Variants in TRRAP observed in about 807,000 individuals in gnomAD.
TRRAP encodes transformation/transcription domain-associated protein.
Under a neutral mutation model 438.8 loss-of-function variants are expected in TRRAP, and 41 were observed. That is an observed-to-expected ratio of 0.09 (90% CI 0.07 to 0.12). TRRAP has a LOEUF of 0.12. TRRAP is among the 10% of genes least tolerant of loss of function. The pLI, the probability that TRRAP is intolerant of heterozygous loss-of-function variation, is 1.00. For synonymous variants in TRRAP, 1,994 were observed against 1,962.9 expected (o/e 1.02, Z -0.42); for missense variants, 3,122 against 5,055.1 (o/e 0.62, Z 11.60).
At chr7:98,969,999 T>C in intron 51 of TRRAP, 113 bp from the exon 52 acceptor site, 1 of 1,310,092 alleles carries the variant, frequency 7.6e-7, no homozygotes, top group Non-Finnish European at 1.1e-6. Flanking sequence ...GAGCTCATAC[T>C]TGGACCTGCA....
intron 67 of TRRAP, among the ~76,000 whole-genome samples, chr7:98,996,343 T>C (rs893262532): frequency 6.6e-6 from 1 of 152,204 alleles, no homozygotes; most frequent in African/African-American, 2.4e-5. Flanking sequence ...ACCTGCGGGC[T>C]CCCTAGTAGA....
chr7:98,884,472 C>T (rs1795600331), intron 3 of TRRAP, among the ~76,000 whole-genome samples: 1 of 151,796 alleles, frequency 6.6e-6, no homozygotes, highest in Non-Finnish European at 1.5e-5. Context: ...TGACCTTAAG[C>T]GATCCACCCA....
At chr7:98,972,648 G>C (rs1460577573) in intron 53 of TRRAP, among the ~76,000 whole-genome samples, 1 of 152,210 alleles carries the variant, frequency 6.6e-6, no homozygotes, top group East Asian at 1.9e-4. Context: ...TTGAAAGACT[G>C]GTTGAAGCTC....
At chr7:98,979,642 T>C (rs1325024204) in intron 58 of TRRAP, among the ~76,000 whole-genome samples, 1 of 152,248 alleles carries the variant, frequency 6.6e-6, no homozygotes, top group African/African-American at 2.4e-5. Flanking sequence ...TATTTGTAGC[T>C]CACCTTAACG....
At chr7:98,905,133 A>C (rs1796667944) in intron 12 of TRRAP, among the ~76,000 whole-genome samples, 2 of 152,008 alleles carry the variant, frequency 1.3e-5, no homozygotes, top group Admixed American at 1.3e-4. Context: ...CCAGTTCTCC[A>C]TGTCACGGCT....
chr7:98,895,107 T>C (rs547560127), intron 6 of TRRAP, among the ~76,000 whole-genome samples: 31 of 152,334 alleles, frequency 2.0e-4, no homozygotes, highest in African/African-American at 7.0e-4. Context: ...AGTCTGTCTA[T>C]GTTGCCCAGG....
intron 48 of TRRAP, among the ~76,000 whole-genome samples, chr7:98,965,151 C>A (rs749690043): frequency 1.3e-5 from 2 of 152,238 alleles, no homozygotes; most frequent in Non-Finnish European, 2.9e-5. Flanking sequence ...CATGTGCACA[C>A]ACACACACAC....
chr7:98,945,029 T>C (rs146297597), intron 31 of TRRAP, among the ~76,000 whole-genome samples: 1 of 152,192 alleles, frequency 6.6e-6, no homozygotes, highest in Non-Finnish European at 1.5e-5. Flanking sequence ...GGTCTTGAAC[T>C]CCTGACCTCA....
Position 98,931,482 on chromosome 7 carries a change from C to A in TRRAP, c.3669C>A (p.Asp1223Glu). Residue 1223 changes from aspartate (D) to glutamate (E), a missense_variant, in exon 26 of 73, where the codon GAC becomes GAA. Around this residue, in one of 24 missense-constraint regions of TRRAP, gnomAD observed 153 missense variants for 223.0 expected, o/e 0.69. Coordinates refer to ENST00000456197, the MANE Select transcript of TRRAP (RefSeq NM_001375524.1). ...TGCGGTGCGCAACGCCTTTAAAAGA[C>A]GAGGAGAGAGCCGAAGAGATCGTGG... ...LLMRCATPLK[D>E]EERAEEIVAA... is the part of the protein sequence containing the mutation. 1 of 1,614,074 alleles carries A rather than the reference C, an allele frequency of 6.2e-7. No individual in the cohort carries two copies. Among genetic ancestry groups the A allele is most frequent in the Non-Finnish European group, 8.5e-7 (1 of 1,179,970 alleles).
At chr7:98,993,815 C>T in intron 66 of TRRAP, 78 bp downstream of exon 66, 6 of 1,451,146 alleles carry the variant, frequency 4.1e-6, no homozygotes, top group Non-Finnish European at 5.7e-6. Context: ...TGGCTCTCTT[C>T]CCTTGAGCTT....
chr7:98,976,373 C>T lies in TRRAP; in HGVS notation c.7959+105C>T, dbSNP rs1792657497. 2 of 1,573,084 alleles carry T rather than the reference C, an allele frequency of 1.3e-6. No individual in the cohort carries two copies. The highest frequency in any genetic ancestry group is 1.8e-5 in the Admixed American group (1 of 57,052). ...GAACAAGTTTCAGAAAATGAGGGAACCGCTGGCTGTCACTCGAGCGAATTA... is the reference window on the plus strand; with the variant it reads ...GAACAAGTTTCAGAAAATGAGGGAATCGCTGGCTGTCACTCGAGCGAATTA... On this transcript the variant is annotated intron_variant, in intron 54 of 72. Transcript: ENST00000456197. This position sits in a 1 kb window ranked among gnomAD's most constrained non-coding sequence, Gnocchi z 4.6.
chr7:98,998,589 C>T, intron 67 of TRRAP: 1 of 170,442 alleles, frequency 5.9e-6, no homozygotes, highest in Non-Finnish European at 1.3e-5. Context: ...CATGAAACAG[C>T]CGGTTACAAC....
chr7:98,988,668 G>A, intron 62 of TRRAP, 97 bp from the exon 63 acceptor site: 14 of 1,396,500 alleles, frequency 1.0e-5, no homozygotes, highest in Non-Finnish European at 1.4e-5. Flanking sequence ...TGGACCAAAT[G>A]CCCCGCAGTG....
chr7:99,009,355 C>T (rs2116877343), intron 70 of TRRAP, among the ~76,000 whole-genome samples: 1 of 152,258 alleles, frequency 6.6e-6, no homozygotes, highest in Non-Finnish European at 1.5e-5. Flanking sequence ...TGTTCCAGTT[C>T]TCCTGGCTCC....
At chr7:98,919,264 C>T (rs1023926968) in intron 20 of TRRAP, among the ~76,000 whole-genome samples, 5 of 152,078 alleles carry the variant, frequency 3.3e-5, no homozygotes, top group Non-Finnish European at 5.9e-5. Flanking sequence ...TTTTCCCTCC[C>T]TGTCCTGAGA....
chr7:98,924,688 CAAAAA>C lies in TRRAP; in HGVS notation c.2824-410_2824-406del, dbSNP rs34211183. 2.7e-4 allele frequency among the ~76,000 whole-genome samples: 26 copies of C among 95,314 alleles called. 1 individual carries two copies. Among genetic ancestry groups the C allele is most frequent in the Non-Finnish European group, 4.7e-4 (23 of 48,720 alleles). The allele number at this position is 95,314 out of a possible 152,430, so 62.5% of individuals were successfully genotyped here. A position where few individuals can be genotyped will look rare whatever the true frequency, so the allele number is the denominator to read the frequency against. On this transcript the variant is annotated intron_variant, in intron 21 of 72. Coordinates refer to ENST00000456197, the MANE Select transcript of TRRAP (RefSeq NM_001375524.1). ...TGGGCGACAGAGCAAGACTCCGTCT[CAAAAA>C]AAAAAAAAAAAAAGGTTCTTCTGGG...
chr7:98,976,944 A>G lies in TRRAP; in HGVS notation c.8253A>G (p.Ile2751Met). 1 of 1,614,154 alleles carries G rather than the reference A, an allele frequency of 6.2e-7. No individual in the cohort carries two copies. Among genetic ancestry groups the G allele is most frequent in the Non-Finnish European group, 8.5e-7 (1 of 1,180,028 alleles). ...QESITPPQQEILDSLAELYSL... is the reference protein window; with the variant it reads ...QESITPPQQEMLDSLAELYSL... ...ACCTTACTTTGTGTTTTCAGGAGAT[A>G]CTGGATTCCCTTGCGGAGCTTTACT... The change falls in exon 56 of 73, where the codon ATA becomes ATG. Residue 2751 changes from isoleucine to methionine, a missense_variant. By Grantham distance (10) the Ile-to-Met change is conservative. Coordinates refer to ENST00000456197, the MANE Select transcript of TRRAP (RefSeq NM_001375524.1). The surrounding 1 kb of genome is among the most constrained non-coding windows in gnomAD (Gnocchi z 4.6).
At chr7:98,910,888 G>T (rs1335090525) in intron 16 of TRRAP, among the ~76,000 whole-genome samples, 189 bp from the exon 17 acceptor site, 1 of 147,090 alleles carries the variant, frequency 6.8e-6, no homozygotes, top group Non-Finnish European at 1.5e-5. Flanking sequence ...ACACCTAGAG[G>T]TTTTTTTTTT....
In TRRAP at chr7:98,948,576, C is replaced by T. The variant is rs113133188; in HGVS notation, c.4679C>T (p.Pro1560Leu). The change falls in exon 35 of 73, where the codon CCA (proline) becomes CTA (leucine). Residue 1560 changes from proline (P) to leucine (L), a missense_variant. Physicochemically the swap from Pro to Leu is moderately conservative, Grantham distance 98. This residue lies in a region of TRRAP where 108 missense variants were observed against 256.9 expected (regional missense o/e 0.42). Transcript: ENST00000456197. This position sits in a 1 kb window ranked among gnomAD's most constrained non-coding sequence, Gnocchi z 4.9. ...CCACATGTTTTGCAGGCGGGGAGTCCATTCCGAGAGCCCCTGATCAAGTTC... is the reference window on the plus strand; with the variant it reads ...CCACATGTTTTGCAGGCGGGGAGTCTATTCCGAGAGCCCCTGATCAAGTTC... ...ERAMLIEAGS[P>L]FREPLIKFLT... 4.3e-6 allele frequency: 7 copies of T among 1,614,158 alleles called. No homozygotes were observed. Among genetic ancestry groups the T allele is most frequent in the Non-Finnish European group, 5.9e-6 (7 of 1,180,046 alleles).
Sources: allele counts gnomAD v4.1 joint callset (sites outside exome capture counted in the v4.1 genomes callset), GRCh38; gene constraint gnomAD v4.1.1; regional missense constraint gnomAD v4.1.1; non-coding constraint Gnocchi (gnomAD v3.1); transcripts MANE v1.5; gene names NCBI Gene and HGNC (gene_info 2026-07-23, HGNC 2026-07-21).